Variants in EIF3L observed in about 807,000 individuals in gnomAD.
EIF3L encodes the protein eIEF associated protein HSPC021.
Under a neutral mutation model 74.6 loss-of-function variants are expected in EIF3L, and 32 were observed. That is an observed-to-expected ratio of 0.43 (90% CI 0.32 to 0.58). The LOEUF is 0.58. Among genes scored for constraint, EIF3L ranks in the 20% least tolerant of loss-of-function variants. The pLI, the probability that EIF3L is intolerant of heterozygous loss-of-function variation, is 0.06. For missense variants in EIF3L, 474 were observed against 707.8 expected (o/e 0.67, Z 3.75); for synonymous variants, 256 against 254.4 (o/e 1.01, Z -0.06).
At chr22:37,857,216 T>C (rs1031769359) in intron 4 of EIF3L, among the ~76,000 whole-genome samples, 3 of 151,306 alleles carry the variant, frequency 2.0e-5, no homozygotes, top group Admixed American at 2.0e-4. Flanking sequence ...AAAAAAGTTA[T>C]CTGGGCAGGC....
chr22:37,875,298 A>G (rs1354317454), intron 9 of EIF3L, among the ~76,000 whole-genome samples: 2 of 151,776 alleles, frequency 1.3e-5, no homozygotes, highest in African/African-American at 4.8e-5. Flanking sequence ...GAATCACTTG[A>G]ACCTGGGAGG....
intron 5 of EIF3L, among the ~76,000 whole-genome samples, chr22:37,862,006 A>G (rs1925883535): frequency 6.6e-6 from 1 of 152,162 alleles, no homozygotes; most frequent in South Asian, 2.1e-4. Context: ...ACCTTACATA[A>G]CTTTTATTAA....
intron 11 of EIF3L, chr22:37,885,133 G>A (rs1435838611): frequency 6.6e-6 from 1 of 151,808 alleles, no homozygotes; most frequent in Non-Finnish European, 1.5e-5. Context: ...TGCCCAGCCT[G>A]GTCTCAAATA....
rs1454131459 is a variant in EIF3L, at chr22:37,888,574, A to G, written c.*110A>G. The G allele has an allele frequency of 1.7e-6, 2 of 1,168,340 alleles. No individual in the cohort carries two copies. Among genetic ancestry groups the G allele is most frequent in the Admixed American group, 1.8e-5 (1 of 54,326 alleles). The allele number at this position is 1,168,340 out of a possible 1,614,324, so 72.4% of individuals were successfully genotyped here. ...AGCCATCAGCCTGTCAACTCAGTTA[A>G]CAAGTTAAGGACCGAAGTGTTTCAA... On this transcript the variant is annotated 3_prime_UTR_variant, in exon 13 of 13. Transcript: ENST00000652021.
At chr22:37,857,292 C>T (rs1925570719) in intron 4 of EIF3L, among the ~76,000 whole-genome samples, 1 of 149,904 alleles carries the variant, frequency 6.7e-6, no homozygotes, top group East Asian at 2.0e-4. Flanking sequence ...ATGGCGTGAA[C>T]CCGGGAGGCA....
At chr22:37,859,683 A>G (rs569877422) in intron 5 of EIF3L, among the ~76,000 whole-genome samples, 5 of 150,986 alleles carry the variant, frequency 3.3e-5, no homozygotes, top group Admixed American at 3.3e-4. Flanking sequence ...CGCCCGGCCT[A>G]GAGTGCCTAA....
At chr22:37,861,718 T>C (rs998243054) in intron 5 of EIF3L, among the ~76,000 whole-genome samples, 1 of 152,000 alleles carries the variant, frequency 6.6e-6, no homozygotes, top group Non-Finnish European at 1.5e-5. Context: ...CCTACTACCA[T>C]TGATGCTAAA....
intron 3 of EIF3L, among the ~76,000 whole-genome samples, chr22:37,852,472 G>A (rs1039745914): frequency 6.6e-6 from 1 of 152,160 alleles, no homozygotes; most frequent in Non-Finnish European, 1.5e-5. Context: ...TGTAATGAGC[G>A]TTAGAGATAA....
At chr22:37,850,535 C>A (rs550190790) in intron 2 of EIF3L, 1 of 224,412 alleles carries the variant, frequency 4.5e-6, no homozygotes, top group East Asian at 1.5e-4. Flanking sequence ...GACGAGGTTT[C>A]GCCGTGTTGT....
At chr22:37,883,486 CAGG>C (rs766608715) in intron 11 of EIF3L, 2 of 151,798 alleles carry the variant, frequency 1.3e-5, no homozygotes, top group Non-Finnish European at 2.9e-5. Context: ...GAGGCTGAGG[CAGG>C]AGAATGGTGT....
chr22:37,886,014 C>T (rs1265752807), intron 11 of EIF3L: 1 of 151,180 alleles, frequency 6.6e-6, no homozygotes, highest in East Asian at 2.0e-4. Context: ...CATGGTGAAA[C>T]CCCGTCTCTA....
chr22:37,873,242 G>A (rs942702260), intron 8 of EIF3L, among the ~76,000 whole-genome samples: 4 of 151,608 alleles, frequency 2.6e-5, no homozygotes, highest in East Asian at 1.9e-4. Flanking sequence ...GTCCGCCTCG[G>A]CCTCCCAAAA....
Position 37,850,037 on chromosome 22 carries a change from A to G in EIF3L, c.56A>G (p.Tyr19Cys). ...ESEAAYDPYA[Y>C]PSDYDMHTGD... ...TAGGCGGCTTATGACCCCTACGCTT[A>G]TCCCAGCGACTATGATATGCACACA... Residue 19 changes from tyrosine to cysteine, a missense_variant, in exon 2 of 13, where the codon TAT (tyrosine) becomes TGT (cysteine). Tyr to Cys is a radical substitution (Grantham distance 194). Transcript: ENST00000652021. 6.2e-7 allele frequency: 1 copy of G among 1,613,714 alleles called. No homozygotes were observed. Among genetic ancestry groups the G allele is most frequent in the Non-Finnish European group, 8.5e-7 (1 of 1,179,810 alleles).
intron 12 of EIF3L, 69 bp downstream of exon 12, chr22:37,886,914 C>T: frequency 7.7e-7 from 1 of 1,290,512 alleles, no homozygotes; most frequent in South Asian, 1.2e-5. Context: ...CGAGAGTTTA[C>T]TTTTTTTTAA....
At position 37,849,492 on chromosome 22, in the gene EIF3L, C is replaced by T; in HGVS notation, c.33+10C>T. The T allele has an allele frequency of 6.3e-6, 10 of 1,588,502 alleles. No homozygotes were observed. The highest frequency in any genetic ancestry group is 2.3e-5 in the East Asian group (1 of 43,552). ...TGATTATGAGTCTGAGGTAAGGTGG[C>T]CGTAAGGGCGCGGTGGGCTCCACGA... On this transcript the variant is annotated intron_variant, in intron 1 of 12. Coordinates refer to ENST00000652021, the MANE Select transcript of EIF3L (RefSeq NM_016091.4).
intron 7 of EIF3L, among the ~76,000 whole-genome samples, chr22:37,863,739 A>G (rs774974030): frequency 6.6e-6 from 1 of 152,024 alleles, no homozygotes; most frequent in Non-Finnish European, 1.5e-5. Context: ...TTACCCACAC[A>G]ATGGAAATGT....
intron 7 of EIF3L, among the ~76,000 whole-genome samples, chr22:37,867,301 G>A (rs111857376): frequency 6.6e-6 from 1 of 152,114 alleles, no homozygotes; most frequent in African/African-American, 2.4e-5. Flanking sequence ...ACCATGCCTA[G>A]CCAAGACCAA....
intron 11 of EIF3L, chr22:37,882,000 C>T (rs1927074629): frequency 6.6e-6 from 1 of 152,152 alleles, no homozygotes. Context: ...GACCCTGTCT[C>T]TACTTTTTAA....
intron 7 of EIF3L, among the ~76,000 whole-genome samples, chr22:37,867,344 T>C (rs563983315): frequency 3.3e-5 from 5 of 152,242 alleles, no homozygotes; most frequent in East Asian, 1.9e-4. Flanking sequence ...TCAGTCTGTC[T>C]AATTTTTGTC....
Sources: allele counts gnomAD v4.1 joint callset (sites outside exome capture counted in the v4.1 genomes callset), GRCh38; gene constraint gnomAD v4.1.1; transcripts MANE v1.5; gene names NCBI Gene and HGNC (gene_info 2026-07-23, HGNC 2026-07-21).